Variants in FHIT observed in about 807,000 individuals in gnomAD.
FHIT encodes the protein fragile histidine triad diadenosine triphosphatase.
In FHIT, 19 loss-of-function variants were observed where a neutral mutation model predicts 17.9. That is an observed-to-expected ratio of 1.06 (90% CI 0.74 to 1.56). The LOEUF is 1.56. FHIT is among the 40% of genes most tolerant of loss of function. FHIT has a pLI of 0.00. For synonymous variants in FHIT, 81 were observed against 69.7 expected (o/e 1.16, Z -0.81); for missense variants, 248 against 189.2 (o/e 1.31, Z -1.82).
intron 5 of FHIT, among the ~76,000 whole-genome samples, chr3:60,223,836 G>C (rs543205556): frequency 6.6e-6 from 1 of 152,196 alleles, no homozygotes; most frequent in South Asian, 2.1e-4. Flanking sequence ...AATGGTCACA[G>C]TCACTCCATG....
intron 5 of FHIT, among the ~76,000 whole-genome samples, chr3:60,154,218 T>C (rs1256253017): frequency 6.6e-6 from 1 of 152,190 alleles, no homozygotes; most frequent in South Asian, 2.1e-4. Flanking sequence ...TTTTCACTCA[T>C]GCAAAAATTC....
intron 2 of FHIT, among the ~76,000 whole-genome samples, chr3:61,190,037 G>A (rs2038663462): frequency 6.6e-6 from 1 of 152,054 alleles, no homozygotes; most frequent in Non-Finnish European, 1.5e-5. Context: ...AGGACTTCAT[G>A]TCTAAAACAC....
chr3:60,028,347 G>A (rs1700842332), intron 5 of FHIT, among the ~76,000 whole-genome samples: 1 of 152,140 alleles, frequency 6.6e-6, no homozygotes, highest in African/African-American at 2.4e-5. Context: ...CATTAACTCT[G>A]GGTCATTGGG....
intron 7 of FHIT, among the ~76,000 whole-genome samples, chr3:59,949,305 A>G (rs113932334): frequency 3.0e-4 from 45 of 152,266 alleles, no homozygotes; most frequent in Admixed American, 5.9e-4. Context: ...GTCTATCTTG[A>G]GTCTGCCATA....
chr3:61,038,850 T>A (rs992627576), intron 3 of FHIT, among the ~76,000 whole-genome samples: 1 of 152,180 alleles, frequency 6.6e-6, no homozygotes. Context: ...ATGCAGGGTC[T>A]CTTATAACTG....
chr3:59,986,048 G>A (rs891639462), intron 7 of FHIT, among the ~76,000 whole-genome samples: 3 of 151,944 alleles, frequency 2.0e-5, no homozygotes, highest in African/African-American at 7.3e-5. Context: ...CTTCCTTTGC[G>A]GTCTGCACAT....
At chr3:60,851,363 T>C (rs1443670363) in intron 3 of FHIT, among the ~76,000 whole-genome samples, 1 of 152,096 alleles carries the variant, frequency 6.6e-6, no homozygotes, top group African/African-American at 2.4e-5. Context: ...TTACTAGGCA[T>C]ATATTTTTTC....
chr3:60,581,527 C>T (rs1553659695), intron 4 of FHIT, among the ~76,000 whole-genome samples: 2 of 151,982 alleles, frequency 1.3e-5, no homozygotes, highest in African/African-American at 4.8e-5. Flanking sequence ...AATTATCCTT[C>T]CACTGTCTCA....
chr3:60,423,281 C>G (rs1702544207), intron 5 of FHIT, among the ~76,000 whole-genome samples: 1 of 152,052 alleles, frequency 6.6e-6, no homozygotes, highest in African/African-American at 2.4e-5. Flanking sequence ...AACCCTGAAG[C>G]CCACATTACA....
At chr3:59,927,989 C>A (rs912881140) in intron 7 of FHIT, among the ~76,000 whole-genome samples, 1 of 152,174 alleles carries the variant, frequency 6.6e-6, no homozygotes. Context: ...TTTTCCTTGT[C>A]AGAATATATT....
Position 60,062,025 on chromosome 3 carries a change from C to T in FHIT, c.104-47873G>A, listed in dbSNP as rs145548548. On this transcript the variant is annotated intron_variant, in intron 5 of 9. Coordinates refer to ENST00000492590, the MANE Select transcript of FHIT (RefSeq NM_002012.4). ...CATGTCAGAGTACAGAGACCTGACT[C>T]AAAATAAGGCAGCTGGGGAAGAAAT... Among the ~76,000 whole-genome samples the T allele has an allele frequency of 3.5e-4, 54 of 152,258 alleles. No homozygotes were observed. The East Asian group carries it at 7.3e-3, about 21-fold the overall frequency.
At chr3:60,021,466 T>G (rs574547113) in intron 5 of FHIT, among the ~76,000 whole-genome samples, 2 of 152,340 alleles carry the variant, frequency 1.3e-5, no homozygotes, top group African/African-American at 4.8e-5. Flanking sequence ...AACTTTTCAA[T>G]GCAAAGTAAT....
chr3:60,064,865 A>G (rs1327668055), intron 5 of FHIT, among the ~76,000 whole-genome samples: 1 of 152,230 alleles, frequency 6.6e-6, no homozygotes. Context: ...TTTACTTCTC[A>G]TTTAAAATGC....
At chr3:61,151,356 G>A (rs7615687) in intron 2 of FHIT, among the ~76,000 whole-genome samples, 7,216 of 152,166 alleles carry the variant, frequency 0.047, 541 homozygotes, top group East Asian at 0.28. Context: ...TCATTTCCAG[G>A]AATGGCATAC....
At chr3:60,682,881 T>C (rs2040783860) in intron 4 of FHIT, among the ~76,000 whole-genome samples, 1 of 152,342 alleles carries the variant, frequency 6.6e-6, no homozygotes, top group South Asian at 2.1e-4. Flanking sequence ...TTGAGAACAT[T>C]CATGATTTAT....
intron 3 of FHIT, among the ~76,000 whole-genome samples, chr3:60,939,808 T>C (rs1455110699): frequency 6.6e-6 from 1 of 152,148 alleles, no homozygotes; most frequent in Non-Finnish European, 1.5e-5. Flanking sequence ...AAATATTTCA[T>C]GTAAAAATTG....
chr3:61,168,944 C>T (rs571537273), intron 2 of FHIT, among the ~76,000 whole-genome samples: 1 of 114,320 alleles, frequency 8.7e-6, no homozygotes, highest in South Asian at 3.2e-4. Context: ...TTGTAGCACA[C>T]ATATTGATCT....
chr3:60,384,096 C>T (rs546314121), intron 5 of FHIT, among the ~76,000 whole-genome samples: 197 of 151,906 alleles, frequency 1.3e-3, no homozygotes, highest in African/African-American at 4.5e-3. Context: ...GGTGAAACCC[C>T]GTCGCTACTA....
At chr3:59,991,620 T>C (rs887228864) in intron 7 of FHIT, among the ~76,000 whole-genome samples, 3 of 152,076 alleles carry the variant, frequency 2.0e-5, no homozygotes, top group African/African-American at 7.2e-5. Flanking sequence ...TTTCTTTTCA[T>C]CTTAGTCCCT....
Sources: allele counts gnomAD v4.1 joint callset (sites outside exome capture counted in the v4.1 genomes callset), GRCh38; gene constraint gnomAD v4.1.1; transcripts MANE v1.5; gene names NCBI Gene and HGNC (gene_info 2026-07-23, HGNC 2026-07-21).